ZBTB7C: variants seen among roughly 807,000 people sequenced by gnomAD.
ZBTB7C encodes the protein zinc finger and BTB domain containing 7C.
Under a neutral mutation model 25.7 loss-of-function variants are expected in ZBTB7C, and 8 were observed. The observed-to-expected ratio is 0.31, with a 90% confidence interval of 0.18 to 0.56. The LOEUF (loss-of-function observed/expected upper bound fraction) is 0.56, where lower values mean the gene tolerates loss of function less well. ZBTB7C is among the 20% of genes least tolerant of loss of function. The probability of loss-of-function intolerance (pLI) is 0.91; values close to 1 mark genes in which losing one functional copy is unlikely to be tolerated. For missense variants in ZBTB7C, 824 were observed against 855.2 expected (o/e 0.96, Z 0.46); for synonymous variants, 394 against 369.0 (o/e 1.07, Z -0.78).
intron 3 of ZBTB7C, among the ~76,000 whole-genome samples, chr18:48,050,669 G>C (rs2036649883): frequency 6.6e-6 from 1 of 152,096 alleles, no homozygotes; most frequent in Non-Finnish European, 1.5e-5. Context: ...CCCTTGACAA[G>C]ACAAGCAAGG....
chr18:48,054,941 G>A lies in ZBTB7C; in HGVS notation c.-16-13818C>T, dbSNP rs534576229. 1.6e-4 allele frequency among the ~76,000 whole-genome samples: 25 copies of A among 152,176 alleles called. No individual in the cohort carries two copies. The South Asian group carries it at 3.7e-3, about 23-fold the overall frequency. On this transcript the variant is annotated intron_variant, in intron 3 of 4. Coordinates refer to ENST00000590800, the MANE Select transcript of ZBTB7C (RefSeq NM_001318841.2). The stretch of plus-strand genomic sequence containing the variant: ...CTCATTTGTCCCCTTTGGTTGACTC[G>A]TGGAATATCAGTCAATTACCACATG...
chr18:48,254,810 T>C (rs572330410), intron 2 of ZBTB7C, among the ~76,000 whole-genome samples: 17 of 152,284 alleles, frequency 1.1e-4, no homozygotes, highest in African/African-American at 3.4e-4. Context: ...AGTAGCCCTA[T>C]GATTAAACCT....
chr18:48,102,871 T>A (rs2038883135), intron 3 of ZBTB7C, among the ~76,000 whole-genome samples: 1 of 151,878 alleles, frequency 6.6e-6, no homozygotes, highest in African/African-American at 2.4e-5. Context: ...CAAAAATACA[T>A]GTGGAGAAGG....
At chr18:48,161,258 G>A (rs1281604511) in intron 3 of ZBTB7C, among the ~76,000 whole-genome samples, 1 of 152,064 alleles carries the variant, frequency 6.6e-6, no homozygotes, top group Non-Finnish European at 1.5e-5. Context: ...AAGAGCACGT[G>A]CAAGATTTGA....
chr18:48,301,153 G>T (rs2045533810), intron 2 of ZBTB7C, among the ~76,000 whole-genome samples: 1 of 152,170 alleles, frequency 6.6e-6, no homozygotes, highest in South Asian at 2.1e-4. Flanking sequence ...AAGAAAGGTG[G>T]CCACAGGCAC....
At chr18:48,147,217 A>G (rs939226539) in intron 3 of ZBTB7C, among the ~76,000 whole-genome samples, 2 of 152,110 alleles carry the variant, frequency 1.3e-5, no homozygotes, top group African/African-American at 2.4e-5. Context: ...GGATAGGATT[A>G]TAGGCACATA....
intron 3 of ZBTB7C, among the ~76,000 whole-genome samples, chr18:48,109,139 C>T (rs774638313): frequency 1.6e-4 from 24 of 152,098 alleles, no homozygotes; most frequent in Non-Finnish European, 3.1e-4. Context: ...CTAGCAATGG[C>T]CTTGGGGTGT....
At chr18:48,346,449 C>T (rs1598919410) in intron 1 of ZBTB7C, 2 of 152,414 alleles carry the variant, frequency 1.3e-5, no homozygotes, top group South Asian at 2.1e-4. Flanking sequence ...TGGGTTCCCC[C>T]AAGGCTGGGC....
chr18:48,059,111 T>G (rs76186456), intron 3 of ZBTB7C, among the ~76,000 whole-genome samples: 46 of 152,328 alleles, frequency 3.0e-4, no homozygotes, highest in African/African-American at 1.1e-3. Flanking sequence ...CATTTTGTTA[T>G]GCAGAAACAG....
At chr18:48,358,613 T>C (rs1365853783) in intron 1 of ZBTB7C, among the ~76,000 whole-genome samples, 1 of 152,210 alleles carries the variant, frequency 6.6e-6, no homozygotes, top group Admixed American at 6.5e-5. Context: ...AGCACAACTC[T>C]TGCAGGCATG....
chr18:48,383,995 C>T (rs1046254776), intron 1 of ZBTB7C, among the ~76,000 whole-genome samples: 8 of 152,202 alleles, frequency 5.3e-5, no homozygotes, highest in African/African-American at 1.9e-4. Context: ...ATACTCTGTG[C>T]TTGGTTATTT....
At chr18:48,376,075 G>T (rs2047512366) in intron 1 of ZBTB7C, among the ~76,000 whole-genome samples, 1 of 152,244 alleles carries the variant, frequency 6.6e-6, no homozygotes, top group Admixed American at 6.5e-5. Flanking sequence ...TGGGGAATTT[G>T]CTTTCCTCAC....
chr18:48,088,565 C>T (rs550610274), intron 3 of ZBTB7C, among the ~76,000 whole-genome samples: 1 of 152,328 alleles, frequency 6.6e-6, no homozygotes, highest in East Asian at 1.9e-4. Context: ...TAGTGGCTCA[C>T]ACCTATAATC....
intron 3 of ZBTB7C, among the ~76,000 whole-genome samples, chr18:48,154,470 A>G (rs940146503): frequency 3.9e-5 from 6 of 152,190 alleles, no homozygotes; most frequent in African/African-American, 1.4e-4. Context: ...AAGCAAGACC[A>G]AGCCTATAGC....
At chr18:48,174,087 G>C (rs2041589370) in intron 3 of ZBTB7C, among the ~76,000 whole-genome samples, 1 of 152,156 alleles carries the variant, frequency 6.6e-6, no homozygotes, top group South Asian at 2.1e-4. Flanking sequence ...TCTATAACCT[G>C]GCTGTAAGAA....
intron 3 of ZBTB7C, among the ~76,000 whole-genome samples, chr18:48,134,031 A>T (rs1309564840): frequency 1.3e-5 from 2 of 151,168 alleles, no homozygotes; most frequent in African/African-American, 4.9e-5. Flanking sequence ...AAATGCCTTT[A>T]TTCTGGCAGC....
intron 2 of ZBTB7C, among the ~76,000 whole-genome samples, chr18:48,265,589 G>A (rs2144538625): frequency 6.6e-6 from 1 of 152,260 alleles, no homozygotes; most frequent in South Asian, 2.1e-4. Flanking sequence ...TGGGCAGAGT[G>A]CAATAAAAGA....
intron 1 of ZBTB7C, among the ~76,000 whole-genome samples, chr18:48,407,497 T>G (rs1189976155): frequency 2.6e-5 from 4 of 152,206 alleles, no homozygotes; most frequent in Admixed American, 2.0e-4. Context: ...GAGGCCATGA[T>G]GGGCTTGGGG....
chr18:48,355,238 T>TG (rs2046951006), intron 1 of ZBTB7C, among the ~76,000 whole-genome samples: 1 of 152,036 alleles, frequency 6.6e-6, no homozygotes, highest in Non-Finnish European at 1.5e-5. Context: ...TCAAGGACTG[T>TG]GGGGGAAGAA....
Sources: allele counts gnomAD v4.1 joint callset (sites outside exome capture counted in the v4.1 genomes callset), GRCh38; gene constraint gnomAD v4.1.1; transcripts MANE v1.5; gene names NCBI Gene and HGNC (gene_info 2026-07-23, HGNC 2026-07-21).